The following MAPK10 variants were observed in gnomAD, a reference collection of about 807,000 sequenced individuals.
MAPK10 encodes the protein JNK3 alpha protein kinase.
Under a neutral mutation model 59.3 loss-of-function variants are expected in MAPK10, and 25 were observed. The observed-to-expected ratio is 0.42, with a 90% CI of 0.31 to 0.59. MAPK10 has a LOEUF of 0.59. Ranked by LOEUF, MAPK10 falls within the 20% of genes least tolerant of loss-of-function variation. MAPK10 has a pLI of 0.15. For missense variants in MAPK10, 351 were observed against 568.9 expected (o/e 0.62, Z 3.90); for synonymous variants, 190 against 200.5 (o/e 0.95, Z 0.44).
chr4:86,225,763 A>C (rs750358875), intron 2 of MAPK10, among the ~76,000 whole-genome samples: 21 of 152,342 alleles, frequency 1.4e-4, no homozygotes, highest in Admixed American at 5.2e-4. Flanking sequence ...ACCTAGATGC[A>C]TTTAAGAGTA....
chr4:86,332,643 T>C (rs2148917283), intron 2 of MAPK10: 1 of 152,310 alleles, frequency 6.6e-6, no homozygotes, highest in Non-Finnish European at 1.5e-5. Flanking sequence ...AAATAGGCCA[T>C]TTCATGCCGT....
chr4:86,456,577 G>GA (rs1751247561), upstream of MAPK10, among the ~76,000 whole-genome samples: 2 of 151,668 alleles, frequency 1.3e-5, no homozygotes, highest in South Asian at 2.1e-4. Flanking sequence ...TAAATTCCTA[G>GA]AAAAAAACAA....
intron 4 of MAPK10, among the ~76,000 whole-genome samples, chr4:86,148,644 T>C (rs1209686836): frequency 1.3e-5 from 2 of 152,094 alleles, no homozygotes; most frequent in African/African-American, 4.8e-5. Flanking sequence ...AGGAAGAAAC[T>C]ATGACTCCGT....
At chr4:86,249,161 C>T (rs2093281485) in intron 2 of MAPK10, among the ~76,000 whole-genome samples, 1 of 129,082 alleles carries the variant, frequency 7.7e-6, no homozygotes. Context: ...TACATACATG[C>T]ATACACACAC....
chr4:86,590,151 T>A (rs749225601), intron 1 of MAPK10, among the ~76,000 whole-genome samples: 9 of 152,030 alleles, frequency 5.9e-5, no homozygotes, highest in Non-Finnish European at 1.2e-4. Flanking sequence ...AAAATACATA[T>A]TATGAAGTTA....
At chr4:86,205,527 A>G (rs1334107096) in intron 2 of MAPK10, among the ~76,000 whole-genome samples, 1 of 151,618 alleles carries the variant, frequency 6.6e-6, no homozygotes, top group Admixed American at 6.6e-5. Flanking sequence ...ATAAGACAAG[A>G]AAATTATAGT....
At chr4:86,247,696 G>T (rs1708081561) in intron 2 of MAPK10, among the ~76,000 whole-genome samples, 1 of 152,072 alleles carries the variant, frequency 6.6e-6, no homozygotes, top group Admixed American at 6.5e-5. Context: ...TACAGAAAAT[G>T]GAATTTCTAA....
intron 1 of MAPK10, among the ~76,000 whole-genome samples, chr4:86,390,624 T>C (rs1742066488): frequency 6.6e-6 from 1 of 152,234 alleles, no homozygotes; most frequent in Admixed American, 6.5e-5. Context: ...GAGGTGCCTA[T>C]GTTTTGATTG....
intron 1 of MAPK10, among the ~76,000 whole-genome samples, chr4:86,534,985 A>G (rs1399540526): frequency 6.6e-6 from 1 of 152,208 alleles, no homozygotes; most frequent in African/African-American, 2.4e-5. Context: ...TACCTTCTCC[A>G]GTCATCTTTA....
At chr4:86,094,562 G>C (rs1471492287) in intron 9 of MAPK10, among the ~76,000 whole-genome samples, 1 of 151,862 alleles carries the variant, frequency 6.6e-6, no homozygotes, top group Non-Finnish European at 1.5e-5. Context: ...GAAAAAATAA[G>C]GTTGAAGAAT....
At chr4:86,285,221 C>T (rs909392303) in intron 2 of MAPK10, among the ~76,000 whole-genome samples, 6 of 151,380 alleles carry the variant, frequency 4.0e-5, no homozygotes. Flanking sequence ...TTCTAAATGA[C>T]ACTTTTTTTT....
chr4:86,477,911 C>T (rs1433400958), intron 1 of MAPK10, among the ~76,000 whole-genome samples: 2 of 152,200 alleles, frequency 1.3e-5, no homozygotes, highest in African/African-American at 4.8e-5. Context: ...GACCCTGACA[C>T]CCATCAGGCT....
At chr4:86,090,285 T>A (rs1260729347) in intron 9 of MAPK10, 1 of 152,068 alleles carries the variant, frequency 6.6e-6, no homozygotes, top group African/African-American at 2.4e-5. Context: ...AGCAGCACAA[T>A]ATAATTTTGC....
chr4:86,251,373 T>C (rs2093417664), intron 2 of MAPK10, among the ~76,000 whole-genome samples: 1 of 151,280 alleles, frequency 6.6e-6, no homozygotes, highest in East Asian at 2.0e-4. Context: ...CCCCTTCCTG[T>C]GTCCATGTGA....
chr4:86,100,542 C>A (rs2055156035), intron 8 of MAPK10: 1 of 152,240 alleles, frequency 6.6e-6, no homozygotes, highest in East Asian at 1.9e-4. Flanking sequence ...TACAGAAATT[C>A]TTATTCAGTT....
chr4:86,379,198 G>A (rs1482498370), intron 1 of MAPK10, among the ~76,000 whole-genome samples: 1 of 152,190 alleles, frequency 6.6e-6, no homozygotes, highest in Non-Finnish European at 1.5e-5. Flanking sequence ...TTAAGTCCCG[G>A]CCTAGCAGGA....
intron 4 of MAPK10, among the ~76,000 whole-genome samples, chr4:86,136,499 C>A (rs200961937): frequency 7.2e-6 from 1 of 138,614 alleles, no homozygotes; most frequent in Admixed American, 6.9e-5. Flanking sequence ...AGATTTTGTC[C>A]CACCAGGCCT....
chr4:86,100,766 C>G (rs189090766), intron 8 of MAPK10: 1 of 256,786 alleles, frequency 3.9e-6, no homozygotes. Flanking sequence ...TATCTAGGCA[C>G]GTGTGCTAAT....
intron 2 of MAPK10, among the ~76,000 whole-genome samples, chr4:86,288,275 T>G (rs1488159376): frequency 6.6e-6 from 1 of 151,522 alleles, no homozygotes; most frequent in Non-Finnish European, 1.5e-5. Context: ...CTGCACCCAT[T>G]AACTCGTCAT....
Sources: allele counts gnomAD v4.1 joint callset (sites outside exome capture counted in the v4.1 genomes callset), GRCh38; gene constraint gnomAD v4.1.1; transcripts MANE v1.5; gene names NCBI Gene and HGNC (gene_info 2026-07-23, HGNC 2026-07-21).